BRWD1: variants seen among roughly 807,000 people sequenced by gnomAD.
The protein encoded by BRWD1 is bromodomain and WD repeat-containing protein 1.
Under a neutral mutation model 251.2 loss-of-function variants are expected in BRWD1, and 82 were observed. That is an observed-to-expected ratio of 0.33 (90% CI 0.27 to 0.39). BRWD1 has a LOEUF of 0.39. Ranked by LOEUF, BRWD1 falls within the 10% of genes least tolerant of loss-of-function variation. The pLI, the probability that BRWD1 is intolerant of heterozygous loss-of-function variation, is 1.00. For synonymous variants in BRWD1, 918 were observed against 902.8 expected (o/e 1.02, Z -0.30); for missense variants, 2,233 against 2,711.6 (o/e 0.82, Z 3.92).
chr21:39,190,767 G>A lies in BRWD1; in HGVS notation c.*5492C>T, dbSNP rs1028231240. On this transcript the variant is annotated 3_prime_UTR_variant, in exon 41 of 41. Coordinates refer to ENST00000342449, the MANE Select transcript of BRWD1 (RefSeq NM_033656.4). ...ACTTGCTGTGTTTTTAAACAGTTCC[G>A]TTTTCTAGGGGGAGCTGGTAACACT... The A allele has an allele frequency of 2.8e-5, 28 of 985,310 alleles. No individual in the cohort carries two copies. The highest frequency in any genetic ancestry group is 2.3e-4 in the East Asian group (2 of 8,816). 61.0% of individuals were successfully genotyped at this position (985,310 alleles called of 1,614,324 possible).
At chr21:39,215,447 C>A in intron 31 of BRWD1, 85 bp from the exon 32 acceptor site, 1 of 1,173,056 alleles carries the variant, frequency 8.5e-7, no homozygotes, top group Non-Finnish European at 1.2e-6. Context: ...AATTAAACAA[C>A]TGTGAAATAA....
chr21:39,228,898 C>A (rs549466176), intron 26 of BRWD1, among the ~76,000 whole-genome samples: 1 of 152,264 alleles, frequency 6.6e-6, no homozygotes, highest in East Asian at 1.9e-4. Flanking sequence ...TCTGCCAAGT[C>A]ACATATTAAG....
Position 39,197,364 on chromosome 21 carries a change from A to G in BRWD1, c.5705T>C (p.Val1902Ala), listed in dbSNP as rs773259531. 6.2e-7 allele frequency: 1 copy of G among 1,606,674 alleles called. No individual in the cohort carries two copies. Among genetic ancestry groups the G allele is most frequent in the Non-Finnish European group, 8.5e-7 (1 of 1,177,884 alleles). Reference protein sequence around the residue: ...GLSRKISRKRVCSSDSDSSLQ... With the variant: ...GLSRKISRKRACSSDSDSSLQ... ...ACTACTGTCTGAGTCACTGGAACAGACCCTTTTCCTGGAAATTTTTCTGCT... is the reference window on the plus strand; with the variant it reads ...ACTACTGTCTGAGTCACTGGAACAGGCCCTTTTCCTGGAAATTTTTCTGCT... The change falls in exon 41 of 41, where the codon GTC (valine) becomes GCC (alanine). Residue 1902 changes from valine (V) to alanine (A), a missense_variant. Val to Ala is a moderately conservative substitution (Grantham distance 64, BLOSUM62 0). This residue lies in a region of BRWD1 where 928 missense variants were observed against 970.0 expected (regional missense o/e 0.96). Transcript: ENST00000342449.
chr21:39,262,445 G>A (rs969387192), intron 17 of BRWD1, among the ~76,000 whole-genome samples: 9 of 152,284 alleles, frequency 5.9e-5, no homozygotes, highest in South Asian at 2.1e-4. Context: ...GGCCAAGCGC[G>A]GAGCCTCATG....
intron 25 of BRWD1, among the ~76,000 whole-genome samples, chr21:39,230,581 T>C (rs1365062926): frequency 1.3e-5 from 2 of 152,208 alleles, no homozygotes; most frequent in African/African-American, 4.8e-5. Context: ...ATTTAATATG[T>C]TGTTGATTTG....
intron 37 of BRWD1, among the ~76,000 whole-genome samples, chr21:39,202,885 G>GTAA (rs1156655317): frequency 6.6e-6 from 1 of 152,160 alleles, no homozygotes; most frequent in African/African-American, 2.4e-5. Context: ...TACTACCAAT[G>GTAA]TAAGCCTCAA....
rs749439946 is a variant in BRWD1, at chr21:39,218,542, A to G, written c.3501T>C (p.Asp1167=). 37 of 1,610,458 alleles carry G rather than the reference A, an allele frequency of 2.3e-5. No homozygotes were observed. The highest frequency in any genetic ancestry group is 3.0e-5 in the Non-Finnish European group (35 of 1,179,174). Reference sequence around the variant, plus strand: ...GTTGATCTATACCACTGATAATTCTATCACATTCTTCATCTCTTGATTTCT... The same window carrying G: ...GTTGATCTATACCACTGATAATTCTGTCACATTCTTCATCTCTTGATTTCT... ...WGQKSRDEEC[D]RIISGIDQLL... is the part of the protein sequence containing the mutation. Residue 1167 remains aspartate, a synonymous_variant, in exon 30 of 41, where the codon GAT becomes GAC. Coordinates refer to ENST00000342449, the MANE Select transcript of BRWD1 (RefSeq NM_033656.4).
chr21:39,205,801 T>C (rs2032360291), intron 37 of BRWD1, among the ~76,000 whole-genome samples: 1 of 151,688 alleles, frequency 6.6e-6, no homozygotes, highest in African/African-American at 2.4e-5. Flanking sequence ...ATAAATAGGC[T>C]GGGCGTGGTG....
chr21:39,253,694 C>T (rs1211321644), intron 19 of BRWD1, among the ~76,000 whole-genome samples: 3 of 152,164 alleles, frequency 2.0e-5, no homozygotes, highest in African/African-American at 7.2e-5. Context: ...TATCTAATAA[C>T]ACTCCAGCAT....
intron 4 of BRWD1, among the ~76,000 whole-genome samples, chr21:39,305,267 A>G (rs2146787846): frequency 6.6e-6 from 1 of 152,234 alleles, no homozygotes; most frequent in Middle Eastern, 3.4e-3. Flanking sequence ...CCGTAGTTGG[A>G]GATTTTAACA....
Position 39,274,361 on chromosome 21 carries a change from A to C in BRWD1, c.1244+13T>G, listed in dbSNP as rs375882659. 28 of 1,598,310 alleles carry C rather than the reference A, an allele frequency of 1.8e-5. No homozygotes were observed. The African/African-American group carries it at 2.3e-4, about 13-fold the overall frequency. On this transcript the variant is annotated intron_variant, in intron 13 of 40. Coordinates refer to ENST00000342449, the MANE Select transcript of BRWD1 (RefSeq NM_033656.4). ...CACCTATGATGCACCTACTTCTAAC[A>C]ATCTCAACTTACCCTGAGATTCTGG...
At chr21:39,298,225 T>A (rs185203534) in intron 5 of BRWD1, 1 of 1,215,230 alleles carries the variant, frequency 8.2e-7, no homozygotes, top group Admixed American at 4.3e-5. Context: ...CATCTATATC[T>A]TTATCAACTT....
At chr21:39,279,061 T>C (rs1160002808) in intron 9 of BRWD1, among the ~76,000 whole-genome samples, 3 of 152,154 alleles carry the variant, frequency 2.0e-5, no homozygotes, top group African/African-American at 7.2e-5. Context: ...CCTTATTGTA[T>C]ATCAAATATT....
chr21:39,273,367 T>C (rs1048795517), intron 13 of BRWD1, among the ~76,000 whole-genome samples: 1 of 152,200 alleles, frequency 6.6e-6, no homozygotes, highest in African/African-American at 2.4e-5. Flanking sequence ...ATTTCCAGTA[T>C]ATATACTTTT....
chr21:39,310,397 G>C (rs2036440637), intron 4 of BRWD1, among the ~76,000 whole-genome samples: 1 of 149,844 alleles, frequency 6.7e-6, no homozygotes, highest in South Asian at 2.2e-4. Context: ...CCAGCACTTT[G>C]GGACACAGAG....
At chr21:39,316,272 C>T (rs2036697670), upstream of BRWD1, among the ~76,000 whole-genome samples, 1 of 152,116 alleles carries the variant, frequency 6.6e-6, no homozygotes, top group Non-Finnish European at 1.5e-5. Flanking sequence ...ATAAAAACCA[C>T]AAAAATCTCG....
chr21:39,230,748 G>A (rs1394982846), intron 25 of BRWD1, among the ~76,000 whole-genome samples: 1 of 151,830 alleles, frequency 6.6e-6, no homozygotes, highest in African/African-American at 2.4e-5. Context: ...GCACAAAAAT[G>A]GAAAACATGT....
In BRWD1 at chr21:39,187,783, C is replaced by T. The variant is rs1471094797; in HGVS notation, c.*8476G>A. The T allele has an allele frequency of 4.1e-6, 4 of 985,080 alleles. No individual in the cohort carries two copies. Among genetic ancestry groups the T allele is most frequent in the African/African-American group, 1.7e-5 (1 of 57,182 alleles). 61.0% of individuals were successfully genotyped at this position (985,080 alleles called of 1,614,324 possible). On this transcript the variant is annotated 3_prime_UTR_variant, in exon 41 of 41. Transcript: ENST00000342449. ...AGTATTTTCTGACCTAGGTATGTGA[C>T]ACACGAGATTCAGATTAAAATTCTA...
At chr21:39,280,673 A>G (rs1014364624) in intron 8 of BRWD1, among the ~76,000 whole-genome samples, 5 of 152,218 alleles carry the variant, frequency 3.3e-5, no homozygotes, top group African/African-American at 1.2e-4. Context: ...CATGAATCCT[A>G]ATCTAAGACT....
Sources: allele counts gnomAD v4.1 joint callset (sites outside exome capture counted in the v4.1 genomes callset), GRCh38; gene constraint gnomAD v4.1.1; regional missense constraint gnomAD v4.1.1; transcripts MANE v1.5; gene names NCBI Gene and HGNC (gene_info 2026-07-23, HGNC 2026-07-21).